The following NAALADL2 variants were observed in gnomAD, a reference collection of about 807,000 sequenced individuals.
NAALADL2 encodes inactive N-acetylated-alpha-linked acidic dipeptidase-like protein 2.
A neutral mutation model predicts 87.2 loss-of-function variants in NAALADL2; 76 were observed. The ratio of observed to expected loss-of-function variants is 0.87; its 90% CI spans 0.72 to 1.05. The LOEUF is 1.05. Among genes scored for constraint, NAALADL2 ranks in the 50% least tolerant of loss-of-function variants. The pLI is 0.00. For missense variants in NAALADL2, 1,089 were observed against 945.8 expected (o/e 1.15, Z -1.99); for synonymous variants, 354 against 331.0 (o/e 1.07, Z -0.75).
chr3:174,973,953 A>G (rs779624101), intron 1 of NAALADL2, among the ~76,000 whole-genome samples: 25 of 152,230 alleles, frequency 1.6e-4, no homozygotes, highest in Non-Finnish European at 2.9e-4. Context: ...TGCACTGCAC[A>G]AACCAAAATA....
At chr3:175,543,240 A>G (rs1207715482) in intron 9 of NAALADL2, among the ~76,000 whole-genome samples, 1 of 152,114 alleles carries the variant, frequency 6.6e-6, no homozygotes, top group African/African-American at 2.4e-5. Context: ...TGTCAACATT[A>G]TTGACAGAAG....
chr3:175,576,391 T>TA lies in NAALADL2; in HGVS notation c.1800+209dup, dbSNP rs778234831. On this transcript the variant is annotated intron_variant, in intron 10 of 13. Transcript: ENST00000454872. ...CTTTTCAATAGTATTGAATTCAATT[T>TA]AAAAAGATTTATACTGTCACTCACA... Among the ~76,000 whole-genome samples, 10 of 152,210 alleles carry TA rather than the reference T, an allele frequency of 6.6e-5. No individual in the cohort carries two copies. In the East Asian group the frequency reaches 1.7e-3, roughly 26 times the overall value.
At chr3:175,183,479 A>G (rs1736898102) in intron 2 of NAALADL2, among the ~76,000 whole-genome samples, 1 of 152,030 alleles carries the variant, frequency 6.6e-6, no homozygotes, top group South Asian at 2.1e-4. Flanking sequence ...GGCTTGTCAT[A>G]TATGGCCTTT....
chr3:175,716,132 C>T (rs1037078675), intron 11 of NAALADL2, among the ~76,000 whole-genome samples: 9 of 145,006 alleles, frequency 6.2e-5, no homozygotes, highest in Non-Finnish European at 1.2e-4. Context: ...TATTGGAATA[C>T]ATAAGGAATA....
At chr3:175,802,054 G>A (rs922070384) in intron 13 of NAALADL2, among the ~76,000 whole-genome samples, 4 of 152,032 alleles carry the variant, frequency 2.6e-5, no homozygotes, top group African/African-American at 9.7e-5. Flanking sequence ...CCTCTATACT[G>A]TCTGTAGCTC....
At chr3:174,667,707 T>G (rs1185396834) in intron 2 of NAALADL2, among the ~76,000 whole-genome samples, 1 of 152,018 alleles carries the variant, frequency 6.6e-6, no homozygotes, top group African/African-American at 2.4e-5. Context: ...CTCTGGAGCT[T>G]CTAAGCTCAT....
chr3:174,442,586 G>T (rs1282930978), intron 1 of NAALADL2, among the ~76,000 whole-genome samples: 1 of 152,120 alleles, frequency 6.6e-6, no homozygotes, highest in Non-Finnish European at 1.5e-5. Flanking sequence ...TTATATTTAG[G>T]TAGAACACTC....
At chr3:175,078,966 T>A (rs1717195696) in intron 1 of NAALADL2, among the ~76,000 whole-genome samples, 1 of 152,214 alleles carries the variant, frequency 6.6e-6, no homozygotes, top group Non-Finnish European at 1.5e-5. Flanking sequence ...GAATATTGGA[T>A]CATATAGTAA....
chr3:174,813,440 C>T (rs1164804089), intron 3 of NAALADL2, among the ~76,000 whole-genome samples: 2 of 152,046 alleles, frequency 1.3e-5, no homozygotes, highest in African/African-American at 4.8e-5. Flanking sequence ...CATTGTGTTA[C>T]AATTGCCTAT....
intron 1 of NAALADL2, among the ~76,000 whole-genome samples, chr3:174,509,049 A>C (rs777318708): frequency 6.6e-6 from 1 of 151,104 alleles, no homozygotes; most frequent in Non-Finnish European, 1.5e-5. Flanking sequence ...ACAATTATGG[A>C]CAATTTTTCT....
intron 1 of NAALADL2, among the ~76,000 whole-genome samples, chr3:174,972,148 C>T (rs900712612): frequency 6.6e-6 from 1 of 152,170 alleles, no homozygotes; most frequent in Non-Finnish European, 1.5e-5. Context: ...TGTCTAGCCC[C>T]ATAGGCCTTA....
rs74468628 is a variant in NAALADL2, at chr3:175,729,663, T to A, written c.1897-7643T>A. 6.6e-5 allele frequency among the ~76,000 whole-genome samples: 10 copies of A among 152,314 alleles called. No homozygotes were observed. The East Asian group carries it at 1.9e-3, about 29-fold the overall frequency. On this transcript the variant is annotated intron_variant, in intron 11 of 13. Coordinates refer to ENST00000454872, the MANE Select transcript of NAALADL2 (RefSeq NM_207015.3). Reference sequence around the variant, plus strand: ...TTTGTCTATAAATTTGTTCTGACCATGAGTCATCCCTACAGTCTCCGAATC... The same window carrying A: ...TTTGTCTATAAATTTGTTCTGACCAAGAGTCATCCCTACAGTCTCCGAATC...
intron 9 of NAALADL2, among the ~76,000 whole-genome samples, chr3:175,475,507 A>G (rs1283290537): frequency 6.6e-6 from 1 of 152,206 alleles, no homozygotes; most frequent in Non-Finnish European, 1.5e-5. Flanking sequence ...TTTAGGCAGC[A>G]TTCTGTAAGT....
intron 3 of NAALADL2, among the ~76,000 whole-genome samples, chr3:174,753,999 G>A (rs933029239): frequency 2.6e-5 from 4 of 152,154 alleles, no homozygotes; most frequent in Non-Finnish European, 5.9e-5. Flanking sequence ...ACCCAATTAT[G>A]CTGACACCAG....
In NAALADL2 at chr3:175,801,106, T is replaced by C. The variant is rs75896537; in HGVS notation, c.2190-1899T>C. 7.2e-3 allele frequency among the ~76,000 whole-genome samples: 1,094 copies of C among 152,230 alleles called. 14 individuals carry two copies. The highest frequency in any genetic ancestry group is 0.025 in the African/African-American group (1,046 of 41,544). On this transcript the variant is annotated intron_variant, in intron 13 of 13. Transcript: ENST00000454872. ...AGTTGATGCTGGTGCTAGAGAAAAG[T>C]ATAAATTAATAAATTTTGTGCTGTG... is the stretch of plus-strand genomic sequence containing the variant.
intron 13 of NAALADL2, among the ~76,000 whole-genome samples, chr3:175,789,111 A>G (rs1438374740): frequency 6.6e-6 from 1 of 152,200 alleles, no homozygotes; most frequent in South Asian, 2.1e-4. Flanking sequence ...AAACTGTTCA[A>G]TCACTCGCAT....
intron 1 of NAALADL2, among the ~76,000 whole-genome samples, chr3:175,032,982 G>A (rs1752971355): frequency 6.6e-6 from 1 of 151,960 alleles, no homozygotes; most frequent in Non-Finnish European, 1.5e-5. Context: ...AGAGTTTCCT[G>A]CTTCTTCCCA....
At chr3:175,760,001 G>C (rs537200737) in intron 13 of NAALADL2, among the ~76,000 whole-genome samples, 67 of 152,268 alleles carry the variant, frequency 4.4e-4, no homozygotes, top group African/African-American at 1.4e-3. Flanking sequence ...AGTCAGGAGA[G>C]AGCAGAAACC....
chr3:175,073,557 A>C (rs551465740), intron 1 of NAALADL2, among the ~76,000 whole-genome samples: 1 of 152,220 alleles, frequency 6.6e-6, no homozygotes, highest in South Asian at 2.1e-4. Flanking sequence ...GTCTGAATTG[A>C]AGTGAAAATG....
Sources: allele counts gnomAD v4.1 joint callset (sites outside exome capture counted in the v4.1 genomes callset), GRCh38; gene constraint gnomAD v4.1.1; transcripts MANE v1.5; gene names NCBI Gene and HGNC (gene_info 2026-07-23, HGNC 2026-07-21).